RSBN1: variants seen among roughly 807,000 people sequenced by gnomAD.
RSBN1 encodes the protein round spermatid basic protein 1, also known as lysine-specific demethylase 9.
RSBN1 carries 23 observed loss-of-function variants against 74.8 expected under a neutral mutation model. That is an observed-to-expected ratio of 0.31 (90% CI 0.22 to 0.44). RSBN1 has a LOEUF of 0.44. Ranked by LOEUF, RSBN1 falls within the 20% of genes least tolerant of loss-of-function variation. The pLI, the probability that RSBN1 is intolerant of heterozygous loss-of-function variation, is 1.00. For synonymous variants in RSBN1, 407 were observed against 379.6 expected, an observed-to-expected ratio of 1.07 and a Z score of -0.84; for missense variants, 808 against 1,020.9, an observed-to-expected ratio of 0.79 and a Z score of 2.84.
intron 1 of RSBN1, among the ~76,000 whole-genome samples, chr1:113,801,056 T>C (rs1293462920): frequency 2.0e-5 from 3 of 151,828 alleles, no homozygotes; most frequent in Admixed American, 6.6e-5. Context: ...CTCTGCTCAC[T>C]CCAGCCTCCA....
At chr1:113,786,480 T>C (rs1282148513) in intron 2 of RSBN1, among the ~76,000 whole-genome samples, 3 of 152,140 alleles carry the variant, frequency 2.0e-5, no homozygotes, top group Non-Finnish European at 4.4e-5. Flanking sequence ...ACGTGTCTTT[T>C]AAAGACTGAG....
chr1:113,775,367 A>C (rs1557996144), intron 4 of RSBN1, among the ~76,000 whole-genome samples: 1 of 148,538 alleles, frequency 6.7e-6, no homozygotes, highest in Non-Finnish European at 1.5e-5. Context: ...TTTTGAGATG[A>C]GTCTTACTCT....
In RSBN1 at chr1:113,766,319, C is replaced by T. The variant is rs541033126; in HGVS notation, c.2070G>A (p.Ser690=). Residue 690 remains serine, a synonymous_variant, in exon 7 of 7, where the codon TCG becomes TCA. Coordinates refer to ENST00000261441, the MANE Select transcript of RSBN1 (RefSeq NM_018364.5). The stretch of plus-strand genomic sequence containing the variant: ...TATGCCAGGCTAAGCTGCACACCGC[C>T]GAAACTGTTTTGAACTGATGAATGA... ...RNVIHQFKTV[S]AVCSLAWHIR... 6.2e-6 allele frequency: 10 copies of T among 1,613,992 alleles called. No individual in the cohort carries two copies. The Admixed American group carries it at 6.7e-5, about 11-fold the overall frequency.
chr1:113,777,627 C>G (rs770636343), intron 3 of RSBN1, 44 bp downstream of exon 3: 1 of 1,565,734 alleles, frequency 6.4e-7, no homozygotes, highest in East Asian at 2.3e-5. Flanking sequence ...AAAGTGCCCA[C>G]TTAAGTAAAG....
rs761745113 is a variant in RSBN1, at chr1:113,812,308, C to G, written c.105G>C (p.Gly35=). ...CACATTTAAATGGCCCGACCGCCCCCCCGTCCGCGCATCGCGCAAGCGCCG... is the reference window on the plus strand; with the variant it reads ...CACATTTAAATGGCCCGACCGCCCCGCCGTCCGCGCATCGCGCAAGCGCCG... ...ARAALARCAD[G]GAVGPFKCVF... Residue 35 remains glycine, a synonymous_variant, in exon 1 of 7, where the codon GGG becomes GGC. Coordinates refer to ENST00000261441, the MANE Select transcript of RSBN1 (RefSeq NM_018364.5). 29 of 1,604,120 alleles carry G rather than the reference C, an allele frequency of 1.8e-5. No individual in the cohort carries two copies. Among genetic ancestry groups the G allele is most frequent in the East Asian group, 4.5e-5 (2 of 44,860 alleles).
chr1:113,775,268 G>A (rs187072399), intron 4 of RSBN1, among the ~76,000 whole-genome samples: 7 of 151,844 alleles, frequency 4.6e-5, no homozygotes, highest in Non-Finnish European at 8.8e-5. Flanking sequence ...CAGGTGATCC[G>A]CCTGCCTTGG....
chr1:113,812,449 C>G lies in RSBN1; in HGVS notation c.-37G>C, dbSNP rs1205553232. On this transcript the variant is annotated 5_prime_UTR_variant, in exon 1 of 7. Coordinates refer to ENST00000261441, the MANE Select transcript of RSBN1 (RefSeq NM_018364.5). ...CCGTTCCCAGCTTTTCTCCGCAGGC[C>G]TCTCCAACCGAGCTTCTATTGTAAA... is the stretch of plus-strand genomic sequence containing the variant. The G allele has an allele frequency of 6.5e-7, 1 of 1,542,788 alleles. No individual in the cohort carries two copies.
chr1:113,795,929 T>C (rs958978330), intron 2 of RSBN1, among the ~76,000 whole-genome samples: 1 of 152,170 alleles, frequency 6.6e-6, no homozygotes, highest in Non-Finnish European at 1.5e-5. Flanking sequence ...AAATGCTTGT[T>C]GGTCTATCAA....
intron 2 of RSBN1, among the ~76,000 whole-genome samples, chr1:113,780,226 T>G (rs1660111865): frequency 6.6e-6 from 1 of 152,214 alleles, no homozygotes; most frequent in Non-Finnish European, 1.5e-5. Flanking sequence ...CAGCCAAAAC[T>G]CAAGACCAAT....
At chr1:113,766,503 G>C (rs756826894) in intron 6 of RSBN1, 50 bp from the exon 7 acceptor site, 6 of 1,199,638 alleles carry the variant, frequency 5.0e-6, no homozygotes, top group Non-Finnish European at 7.1e-6. Context: ...TAATAATTTA[G>C]TCAAGTGAAA....
chr1:113,798,210 G>A (rs531859958), intron 1 of RSBN1, among the ~76,000 whole-genome samples, 174 bp from the exon 2 acceptor site: 2 of 151,850 alleles, frequency 1.3e-5, no homozygotes, highest in African/African-American at 2.4e-5. Flanking sequence ...TAATATTCTG[G>A]ATTGAAGAAA....
chr1:113,797,943 A>G lies in RSBN1; in HGVS notation c.797T>C (p.Met266Thr), dbSNP rs1391073270. The G allele has an allele frequency of 1.2e-6, 2 of 1,611,344 alleles. No individual in the cohort carries two copies. The highest frequency in any genetic ancestry group is 1.6e-4 in the Middle Eastern group (1 of 6,062). Residue 266 changes from methionine to threonine, a missense_variant, in exon 2 of 7, where the codon ATG becomes ACG. Met to Thr is a moderately conservative substitution (Grantham distance 81, BLOSUM62 -1). Around this residue, in one of 6 missense-constraint regions of RSBN1, gnomAD observed 464 missense variants for 401.0 expected, o/e 1.16. Transcript: ENST00000261441. ...KKKKKKHRED[M>T]RGRRLKMYNK... is the part of the protein sequence containing the mutation. ...GTACATTTTAAGGCGTCTTCCTCGC[A>G]TGTCTTCTCGGTGTTTCTTTTTCTT... is the stretch of plus-strand genomic sequence containing the variant.
At chr1:113,784,940 C>G (rs1286863553) in intron 2 of RSBN1, among the ~76,000 whole-genome samples, 2 of 152,122 alleles carry the variant, frequency 1.3e-5, no homozygotes, top group Admixed American at 1.3e-4. Flanking sequence ...TTAGGTTACA[C>G]TGATTTTTAA....
chr1:113,789,265 A>G (rs1660318547), intron 2 of RSBN1, among the ~76,000 whole-genome samples: 1 of 152,114 alleles, frequency 6.6e-6, no homozygotes, highest in African/African-American at 2.4e-5. Flanking sequence ...AAAACTGAAG[A>G]GGTTCTGAGA....
At chr1:113,794,908 A>G (rs1571306611) in intron 2 of RSBN1, among the ~76,000 whole-genome samples, 1 of 152,202 alleles carries the variant, frequency 6.6e-6, no homozygotes, top group East Asian at 1.9e-4. Context: ...GTCACGAATA[A>G]TTATTATGGC....
In RSBN1 at chr1:113,801,130, T is replaced by C. The variant is rs930800267; in HGVS notation, c.704-3094A>G. ...CTGAGTAGCTGGGATCACAGGCATG[T>C]ACCACCACACCCGGCTAATTTTTTG... On this transcript the variant is annotated intron_variant, in intron 1 of 6. Transcript: ENST00000261441. Among the ~76,000 whole-genome samples the C allele has an allele frequency of 3.9e-5, 6 of 152,122 alleles. No homozygotes were observed. In the East Asian group the frequency reaches 1.2e-3, roughly 29 times the overall value.
intron 6 of RSBN1, 41 bp from the exon 7 acceptor site, chr1:113,766,494 A>AC: frequency 3.1e-6 from 4 of 1,272,846 alleles, no homozygotes; most frequent in East Asian, 2.3e-5. Flanking sequence ...TAAAATATGT[A>AC]ATAATTTAGT....
chr1:113,775,812 T>C (rs1557996238), intron 4 of RSBN1, among the ~76,000 whole-genome samples: 2 of 152,232 alleles, frequency 1.3e-5, no homozygotes, highest in Non-Finnish European at 2.9e-5. Flanking sequence ...TCTAGCAATG[T>C]GCAGAACTTT....
At chr1:113,800,219 G>A (rs1262808835) in intron 1 of RSBN1, among the ~76,000 whole-genome samples, 2 of 152,024 alleles carry the variant, frequency 1.3e-5, no homozygotes, top group African/African-American at 2.4e-5. Flanking sequence ...AATGAAAACC[G>A]TTTATTTGCA....
Sources: gnomAD v4.1 joint callset for allele counts (sites outside exome capture counted in the v4.1 genomes callset) on GRCh38, gnomAD v4.1.1 for gene constraint, gnomAD v4.1.1 regional missense constraint, MANE v1.5 for transcripts, NCBI Gene and HGNC (gene_info 2026-07-23, HGNC 2026-07-21) for gene names.